Variants in GOT2 observed in about 807,000 individuals in gnomAD.
GOT2 encodes the protein glutamic-oxaloacetic transaminase 2, also known as aspartate aminotransferase, mitochondrial.
In GOT2, 17 loss-of-function variants were observed where a neutral mutation model predicts 50.0. The observed-to-expected ratio is 0.34, with a 90% CI of 0.23 to 0.51. GOT2 has a LOEUF of 0.51. Ranked by LOEUF, GOT2 falls within the 20% of genes least tolerant of loss-of-function variation. The pLI is 0.97. For synonymous variants in GOT2, 172 were observed against 204.9 expected (o/e 0.84, Z 1.37); for missense variants, 430 against 559.6 (o/e 0.77, Z 2.34).
In GOT2 at chr16:58,716,700, G is replaced by A. The variant is rs1058192; in HGVS notation, c.816C>T (p.Cys272=). 0.65 allele frequency: 1,050,029 copies of A among 1,612,352 alleles called. 345,449 individuals are homozygous for A. Among genetic ancestry groups the A allele is most frequent in the African/African-American group, 0.86 (64,432 of 74,980 alleles). The change falls in exon 7 of 10, where the codon TGC becomes TGT. Residue 272 remains cysteine (C), a synonymous_variant. Transcript: ENST00000245206. The part of the protein sequence containing the change: ...RHFIEQGINV[C]LCQSYAKNMG... Reference sequence around the variant, plus strand: ...TGTTCTTGGCATATGATTGGCAGAGGCAAACATTAATGCCCTGTTCGATGA... The same window carrying A: ...TGTTCTTGGCATATGATTGGCAGAGACAAACATTAATGCCCTGTTCGATGA...
intron 6 of GOT2, among the ~76,000 whole-genome samples, chr16:58,717,758 T>C (rs1445922778): frequency 6.6e-6 from 1 of 152,202 alleles, no homozygotes; most frequent in Non-Finnish European, 1.5e-5. Context: ...TGGCACAATC[T>C]CGGCTCACCA....
intron 1 of GOT2, among the ~76,000 whole-genome samples, chr16:58,730,454 G>A (rs1198881951): frequency 2.6e-5 from 4 of 151,530 alleles, no homozygotes; most frequent in Admixed American, 2.0e-4. Flanking sequence ...GCGTGACCAC[G>A]GCTCACTGCA....
intron 1 of GOT2, 121 bp from the exon 2 acceptor site, chr16:58,724,023 G>C: frequency 1.2e-6 from 1 of 809,228 alleles, no homozygotes; most frequent in Non-Finnish European, 1.9e-6. Flanking sequence ...GTGCTATCTT[G>C]GCTCACTGCA....
intron 1 of GOT2, among the ~76,000 whole-genome samples, chr16:58,731,071 G>A (rs1189862842): frequency 2.0e-5 from 3 of 152,116 alleles, no homozygotes; most frequent in African/African-American, 7.2e-5. Context: ...TTTAAAATCA[G>A]AAGGGAAGTT....
chr16:58,709,538 C>G lies in GOT2; in HGVS notation c.1049G>C (p.Arg350Pro), dbSNP rs148828634. The G allele has an allele frequency of 6.2e-7, 1 of 1,612,296 alleles. No homozygotes were observed. Among genetic ancestry groups the G allele is most frequent in the East Asian group, 2.2e-5 (1 of 44,806 alleles). Residue 350 changes from arginine (R) to proline (P), a missense_variant, in exon 9 of 10, where the codon CGC becomes CCC. Physicochemically the swap from Arg to Pro is moderately radical, Grantham distance 103. Transcript: ENST00000245206. ...CAGTTGAGTCCGCATGCCAATGATG[C>G]GGTCAGCCATGACTTTCACTTCTTG... ...WLQEVKVMAD[R>P]IIGMRTQLVS...
Position 58,726,871 on chromosome 16 carries a change from C to T in GOT2, c.90-2969G>A, listed in dbSNP as rs183715372. Among the ~76,000 whole-genome samples, 206 of 149,808 alleles carry T rather than the reference C, an allele frequency of 1.4e-3. 3 individuals carry two copies. Among genetic ancestry groups the T allele is most frequent in the Middle Eastern group, 3.4e-3 (1 of 292 alleles). The stretch of plus-strand genomic sequence containing the variant: ...TTTTCTTTTTTAAAGAGATGGATCT[C>T]GGCCGGGTGCAGTGGCTCACGCCTG... On this transcript the variant is annotated intron_variant, in intron 1 of 9. Coordinates refer to ENST00000245206, the MANE Select transcript of GOT2 (RefSeq NM_002080.4).
intron 1 of GOT2, among the ~76,000 whole-genome samples, chr16:58,729,045 C>T (rs1211443672): frequency 6.6e-6 from 1 of 151,900 alleles, no homozygotes; most frequent in Non-Finnish European, 1.5e-5. Context: ...GAGACACTGC[C>T]ATTATCACCC....
intron 3 of GOT2, chr16:58,721,698 T>A (rs2044741192): frequency 6.6e-6 from 1 of 152,464 alleles, no homozygotes; most frequent in Non-Finnish European, 1.5e-5. Context: ...CAATTTACTA[T>A]CAAATAAGAA....
At chr16:58,722,463 C>T (rs1437153879) in intron 2 of GOT2, among the ~76,000 whole-genome samples, 185 bp from the exon 3 acceptor site, 4 of 150,504 alleles carry the variant, frequency 2.7e-5, no homozygotes, top group Non-Finnish European at 5.9e-5. Context: ...CTCCACCTCC[C>T]GGGTTCAAGT....
chr16:58,726,880 G>A (rs2044789947), intron 1 of GOT2, among the ~76,000 whole-genome samples: 1 of 151,494 alleles, frequency 6.6e-6, no homozygotes, highest in Non-Finnish European at 1.5e-5. Flanking sequence ...TCGGCCGGGT[G>A]CAGTGGCTCA....
chr16:58,712,343 C>A (rs2152093806), intron 8 of GOT2, among the ~76,000 whole-genome samples: 1 of 152,256 alleles, frequency 6.6e-6, no homozygotes. Flanking sequence ...GAAACCCAGT[C>A]TCTACTAAAA....
chr16:58,730,439 C>T (rs1363339046), intron 1 of GOT2, among the ~76,000 whole-genome samples: 2 of 151,870 alleles, frequency 1.3e-5, no homozygotes, highest in Admixed American at 1.3e-4. Flanking sequence ...GGCTAGAATG[C>T]AGTGGCGTGA....
chr16:58,723,688 T>G, intron 2 of GOT2, 58 bp downstream of exon 2: 1 of 1,428,566 alleles, frequency 7.0e-7, no homozygotes, highest in East Asian at 2.3e-5. Flanking sequence ...CCTGCCACTC[T>G]CCAGGGCTCT....
At position 58,716,030 on chromosome 16, in the gene GOT2, C is replaced by G. The variant is rs776499356; in HGVS notation, c.1003G>C (p.Asp335His). The G allele has an allele frequency of 1.2e-6, 2 of 1,612,420 alleles. No individual in the cohort carries two copies. Among genetic ancestry groups the G allele is most frequent in the Admixed American group, 1.7e-5 (1 of 59,434 alleles). ...AACCTTTACCATTGTTTTCGCAAAT[C>G]TGGGGTGTTCAGAATGGCAGCAGCA... ...RIAAAILNTP[D>H]LRKQWLQEVK... Residue 335 changes from aspartate (D) to histidine (H), a missense_variant, in exon 8 of 10, where the codon GAT (aspartate) becomes CAT (histidine). Physicochemically the swap from Asp to His is moderately conservative, Grantham distance 81 (BLOSUM62 -1). Transcript: ENST00000245206.
intron 3 of GOT2, among the ~76,000 whole-genome samples, chr16:58,720,427 G>A (rs1403963455): frequency 6.6e-6 from 1 of 152,198 alleles, no homozygotes; most frequent in Middle Eastern, 3.4e-3. Flanking sequence ...AAGCACAAAT[G>A]TATTTTTCTG....
Position 58,722,192 on chromosome 16 carries a change from T to A in GOT2, c.333A>T (p.Glu111Asp), listed in dbSNP as rs140045671. 3.1e-6 allele frequency: 5 copies of A among 1,612,446 alleles called. No individual in the cohort carries two copies. The highest frequency in any genetic ancestry group is 4.2e-6 in the Non-Finnish European group (5 of 1,179,982). Residue 111 changes from glutamate (E) to aspartate (D), a missense_variant, in exon 3 of 10, where the codon GAA becomes GAT. By Grantham distance (45) the Glu-to-Asp change is conservative (BLOSUM62 2). Transcript: ENST00000245206. ...CTTCGCTGTTCTCACCCAGGGCTAG[T>A]TCTGCAGATGCCTTGCAAAATTCAG... ...GLAEFCKASA[E>D]LALGENSEVL... is the part of the protein sequence containing the mutation.
chr16:58,712,954 C>G (rs1361044637), intron 8 of GOT2, among the ~76,000 whole-genome samples: 1 of 152,146 alleles, frequency 6.6e-6, no homozygotes, highest in Non-Finnish European at 1.5e-5. Flanking sequence ...ACAAAATTAG[C>G]TGGGCGTGGT....
In GOT2 at chr16:58,707,619, C is replaced by G. The variant is rs1476263667; in HGVS notation, c.*552G>C. 6.6e-6 allele frequency: 1 copy of G among 152,154 alleles called. No individual in the cohort carries two copies. Among genetic ancestry groups the G allele is most frequent in the Non-Finnish European group, 1.5e-5 (1 of 68,030 alleles). The allele number at this position is 152,154 out of a possible 1,614,324, so 9.4% of individuals were successfully genotyped here. On this transcript the variant is annotated 3_prime_UTR_variant, in exon 10 of 10. Transcript: ENST00000245206. ...GGCAATGACAAGGGAGAAAAGAGAG[C>G]CTTCTCTTTTTCTTAAATAAGACAG...
intron 2 of GOT2, 139 bp from the exon 3 acceptor site, chr16:58,722,417 C>A: frequency 2.6e-6 from 2 of 759,494 alleles, no homozygotes; most frequent in South Asian, 3.6e-5. Flanking sequence ...GTCACCCAGG[C>A]TGGAGTGCAG....
Sources: allele counts gnomAD v4.1 joint callset (sites outside exome capture counted in the v4.1 genomes callset), GRCh38; gene constraint gnomAD v4.1.1; transcripts MANE v1.5; gene names NCBI Gene and HGNC (gene_info 2026-07-23, HGNC 2026-07-21).